PGPEP1L: variants seen among roughly 807,000 people sequenced by gnomAD.
PGPEP1L encodes the protein pyroglutamyl-peptidase 1-like protein.
A neutral mutation model predicts 6.0 loss-of-function variants in PGPEP1L; 7 were observed. The ratio of observed to expected loss-of-function variants is 1.17; its 90% CI spans 0.66 to 2.19. PGPEP1L has a LOEUF of 2.19. Among genes scored for constraint, PGPEP1L ranks in the 30% most tolerant of loss-of-function variants. PGPEP1L has a pLI of 0.00. For synonymous variants in PGPEP1L, 103 were observed against 83.9 expected (o/e 1.23, Z -1.24); for missense variants, 209 against 192.5 (o/e 1.09, Z -0.51).
intron 2 of PGPEP1L, among the ~76,000 whole-genome samples, chr15:98,986,011 C>CAG (rs1465447806): frequency 6.6e-6 from 1 of 152,206 alleles, no homozygotes; most frequent in African/African-American, 2.4e-5. Flanking sequence ...TTTTCTTCCT[C>CAG]AGATGCCTAC....
At chr15:98,984,222 A>C (rs192930705) in intron 2 of PGPEP1L, among the ~76,000 whole-genome samples, 3 of 152,008 alleles carry the variant, frequency 2.0e-5, no homozygotes, top group African/African-American at 2.4e-5. Flanking sequence ...ATGTTAGCCA[A>C]GATGGTCTCG....
chr15:98,973,691 G>A (rs2017529146), intron 2 of PGPEP1L, among the ~76,000 whole-genome samples: 2 of 151,836 alleles, frequency 1.3e-5, no homozygotes, highest in South Asian at 4.2e-4. Flanking sequence ...AAAACCTATG[G>A]GATACAGCAA....
chr15:99,001,350 G>A (rs1596528709), intron 2 of PGPEP1L: 1 of 225,230 alleles, frequency 4.4e-6, no homozygotes, highest in South Asian at 4.5e-5. Flanking sequence ...GTCAGAAGAG[G>A]CACATCTATA....
At chr15:98,985,382 T>C (rs2017733246) in intron 2 of PGPEP1L, among the ~76,000 whole-genome samples, 1 of 151,976 alleles carries the variant, frequency 6.6e-6, no homozygotes, top group Non-Finnish European at 1.5e-5. Flanking sequence ...CTACTAAACA[T>C]ACAAAAATTA....
rs567102239 is a variant in PGPEP1L, at chr15:99,007,594, G to A, written c.-605C>T. The A allele has an allele frequency of 3.3e-5, 5 of 152,068 alleles. No individual in the cohort carries two copies. The South Asian group carries it at 6.3e-4, about 19-fold the overall frequency. The allele number at this position is 152,068 out of a possible 1,614,324, so 9.4% of individuals were successfully genotyped here. A position where few individuals can be genotyped will look rare whatever the true frequency, so the allele number is the denominator to read the frequency against. On this transcript the variant is annotated 5_prime_UTR_variant, in exon 1 of 5. Coordinates refer to ENST00000535714, the MANE Select transcript of PGPEP1L (RefSeq NM_001167902.2). ...TCATGAGTGCTACGGCTCTTAAGGT[G>A]GCGTGTTTGGAGTTATTCGTTTCTC...
intron 2 of PGPEP1L, among the ~76,000 whole-genome samples, chr15:98,987,391 A>AC (rs1484324358): frequency 6.6e-6 from 1 of 151,898 alleles, no homozygotes; most frequent in Non-Finnish European, 1.5e-5. Context: ...TGATGCACTC[A>AC]CCCTCAACAT....
chr15:98,976,089 T>C (rs1049048355), intron 2 of PGPEP1L, among the ~76,000 whole-genome samples: 1 of 152,124 alleles, frequency 6.6e-6, no homozygotes, highest in African/African-American at 2.4e-5. Context: ...AGGGTTATTG[T>C]TAATGAACAC....
chr15:98,981,015 T>C (rs1249745135), intron 2 of PGPEP1L, among the ~76,000 whole-genome samples: 2 of 152,068 alleles, frequency 1.3e-5, no homozygotes, highest in South Asian at 2.1e-4. Context: ...AAGGTCATCA[T>C]GGACAGTGCT....
At chr15:98,984,103 C>CG (rs1457739964) in intron 2 of PGPEP1L, among the ~76,000 whole-genome samples, 2 of 150,174 alleles carry the variant, frequency 1.3e-5, no homozygotes, top group African/African-American at 5.0e-5. Context: ...ATCTGCTTCC[C>CG]GGGTTCACAC....
At position 99,005,515 on chromosome 15, in the gene PGPEP1L, G is replaced by T. The variant is rs2018041106; in HGVS notation, c.-228C>A. On this transcript the variant is annotated 5_prime_UTR_variant, in exon 2 of 5. It adds an upstream start codon to the 5' untranslated region. Transcript: ENST00000535714. ...CCTCCCTGGCTCAGGCAGCGGCCCA[G>T]CGGCCGGGCTCTGCGCGCTCTGAGC... 3 of 152,508 alleles carry T rather than the reference G, an allele frequency of 2.0e-5. No individual in the cohort carries two copies. In the South Asian group the frequency reaches 6.2e-4, roughly 32 times the overall value. The allele number at this position is 152,508 out of a possible 1,614,324, so 9.4% of individuals were successfully genotyped here. A position where few individuals can be genotyped will look rare whatever the true frequency, so the allele number is the denominator to read the frequency against.
chr15:99,006,830 A>G (rs1487446390), intron 1 of PGPEP1L, among the ~76,000 whole-genome samples: 1 of 152,126 alleles, frequency 6.6e-6, no homozygotes, highest in Non-Finnish European at 1.5e-5. Flanking sequence ...TTTAAACTGA[A>G]AATACTTTTT....
intron 2 of PGPEP1L, among the ~76,000 whole-genome samples, chr15:98,995,615 G>C (rs2017876925): frequency 1.3e-5 from 2 of 152,194 alleles, no homozygotes; most frequent in African/African-American, 4.8e-5. Flanking sequence ...AGAATCTCTT[G>C]AACCTGGGAG....
intron 2 of PGPEP1L, among the ~76,000 whole-genome samples, chr15:99,000,632 G>A (rs1210653368): frequency 1.3e-5 from 2 of 152,122 alleles, no homozygotes; most frequent in Non-Finnish European, 2.9e-5. Flanking sequence ...TAGCTACTCT[G>A]GTGGGGACTT....
At chr15:99,003,189 G>T (rs117576164) in intron 2 of PGPEP1L, among the ~76,000 whole-genome samples, 3,786 of 128,254 alleles carry the variant, frequency 0.03, 75 homozygotes, top group Non-Finnish European at 0.042. Context: ...GGCAGTTATA[G>T]AAAATAGTGA....
Position 98,979,630 on chromosome 15 carries a change from A to ATTTTTT in PGPEP1L, c.-141-8473_-141-8472insAAAAAA, listed in dbSNP as rs1882033817. 2.4e-4 allele frequency among the ~76,000 whole-genome samples: 25 copies of ATTTTTT among 105,924 alleles called. 3 individuals are homozygous for ATTTTTT. The highest frequency in any genetic ancestry group is 2.8e-4 in the Non-Finnish European group (15 of 53,868). 69.5% of individuals were successfully genotyped at this position (105,924 alleles called of 152,430 possible). A position where few individuals can be genotyped will look rare whatever the true frequency, so the allele number is the denominator to read the frequency against. ...AGCAACCTGGATGGGATTGGAGACTATTCTTTTTTTTTTTTTTTTTTTTTT... is the reference window on the plus strand; with the variant it reads ...AGCAACCTGGATGGGATTGGAGACTATTTTTTTTCTTTTTTTTTTTTTTTTTTTTTT... On this transcript the variant is annotated intron_variant, in intron 2 of 4. Transcript: ENST00000535714.
intron 2 of PGPEP1L, among the ~76,000 whole-genome samples, chr15:98,993,588 G>A (rs371431070): frequency 1.2e-4 from 18 of 145,178 alleles, no homozygotes; most frequent in African/African-American, 4.6e-4. Flanking sequence ...ATCAAACACT[G>A]CATGTTCTCA....
chr15:98,987,165 C>CAAAAAAAAAAAAAAA lies in PGPEP1L; in HGVS notation c.-141-16022_-141-16008dup, dbSNP rs57923635. 7.2e-4 allele frequency among the ~76,000 whole-genome samples: 24 copies of CAAAAAAAAAAAAAAA among 33,396 alleles called. 1 individual carries two copies. The highest frequency in any genetic ancestry group is 2.0e-3 in the African/African-American group (18 of 8,792). The allele number at this position is 33,396 out of a possible 152,430, so 21.9% of individuals were successfully genotyped here. On this transcript the variant is annotated intron_variant, in intron 2 of 4. Transcript: ENST00000535714. ...TGGGTGACAGAGTGAGACTCCATCT[C>CAAAAAAAAAAAAAAA]AAAAAAAAAAAAAAAAAAAAAAAAA...
At chr15:98,971,179 A>G (rs1229640506) in intron 2 of PGPEP1L, 21 bp from the exon 3 acceptor site, 1 of 1,027,518 alleles carries the variant, frequency 9.7e-7, no homozygotes, top group Non-Finnish European at 1.3e-6. Flanking sequence ...CGGCAGGTGG[A>G]CTTGCCTCAG....
chr15:98,975,655 C>T (rs146261465), intron 2 of PGPEP1L, among the ~76,000 whole-genome samples: 7,597 of 152,094 alleles, frequency 0.05, 641 homozygotes, highest in African/African-American at 0.17. Flanking sequence ...CCGAGACGGG[C>T]GGATCACTTG....
Sources: allele counts gnomAD v4.1 joint callset (sites outside exome capture counted in the v4.1 genomes callset), GRCh38; gene constraint gnomAD v4.1.1; transcripts MANE v1.5; gene names NCBI Gene and HGNC (gene_info 2026-07-23, HGNC 2026-07-21).